The following TENM4 variants were observed in gnomAD, a reference collection of about 807,000 sequenced individuals.
TENM4 encodes the protein teneurin transmembrane protein 4.
TENM4 carries 82 observed loss-of-function variants against 243.3 expected under a neutral mutation model. That is an observed-to-expected ratio of 0.34 (90% CI 0.28 to 0.40). The LOEUF is 0.40. Among genes scored for constraint, TENM4 ranks in the 10% least tolerant of loss-of-function variants. The pLI is 1.00. For missense variants in TENM4, 3,138 were observed against 3,673.3 expected, an observed-to-expected ratio of 0.85 and a Z score of 3.77; for synonymous variants, 1,412 against 1,456.3, an observed-to-expected ratio of 0.97 and a Z score of 0.69.
At chr11:79,425,235 T>C (rs1369891353) in intron 1 of TENM4, among the ~76,000 whole-genome samples, 2 of 152,190 alleles carry the variant, frequency 1.3e-5, no homozygotes, top group Non-Finnish European at 2.9e-5. Flanking sequence ...CCAGCCTTTC[T>C]GTAGCTGAAC....
At chr11:79,278,282 T>C (rs1050464009) in intron 2 of TENM4, among the ~76,000 whole-genome samples, 18 of 152,226 alleles carry the variant, frequency 1.2e-4, no homozygotes, top group African/African-American at 4.3e-4. Flanking sequence ...TCAATGAATA[T>C]AGCTGATTGA....
chr11:79,157,448 C>A (rs1050925960), intron 3 of TENM4, among the ~76,000 whole-genome samples: 1 of 152,114 alleles, frequency 6.6e-6, no homozygotes, highest in African/African-American at 2.4e-5. Context: ...ATGCACTCAG[C>A]GAATGTGTGC....
chr11:78,864,810 C>T (rs576028092), intron 9 of TENM4, among the ~76,000 whole-genome samples: 2 of 152,270 alleles, frequency 1.3e-5, no homozygotes, highest in Admixed American at 1.3e-4. Context: ...CACTCCATGG[C>T]AGATTCTGGA....
intron 6 of TENM4, among the ~76,000 whole-genome samples, chr11:79,045,223 T>C (rs1349836635): frequency 6.6e-6 from 1 of 152,114 alleles, no homozygotes; most frequent in South Asian, 2.1e-4. Context: ...TTCCTGAGTG[T>C]CCACTGCGTG....
At chr11:78,932,685 T>A (rs1856695075) in intron 6 of TENM4, among the ~76,000 whole-genome samples, 1 of 152,154 alleles carries the variant, frequency 6.6e-6, no homozygotes, top group Non-Finnish European at 1.5e-5. Context: ...TGGAAGACAA[T>A]TTTTCCATGG....
At chr11:79,244,349 T>C (rs967583198) in intron 2 of TENM4, among the ~76,000 whole-genome samples, 2 of 152,146 alleles carry the variant, frequency 1.3e-5, no homozygotes, top group African/African-American at 4.8e-5. Flanking sequence ...AGGGCCTTGT[T>C]CTTGAGAGGG....
chr11:79,239,887 T>A (rs1160263646), intron 2 of TENM4, among the ~76,000 whole-genome samples: 1 of 152,100 alleles, frequency 6.6e-6, no homozygotes, highest in African/African-American at 2.4e-5. Context: ...TTTGGGTAAG[T>A]CACTTCAGAA....
At chr11:79,201,577 AG>A (rs1863738231) in intron 3 of TENM4, among the ~76,000 whole-genome samples, 1 of 152,210 alleles carries the variant, frequency 6.6e-6, no homozygotes, top group African/African-American at 2.4e-5. Flanking sequence ...ACCATAAGTC[AG>A]AAGCTCTGTT....
intron 6 of TENM4, among the ~76,000 whole-genome samples, chr11:78,975,276 G>T (rs75777164): frequency 6.6e-6 from 1 of 151,968 alleles, no homozygotes; most frequent in African/African-American, 2.4e-5. Flanking sequence ...TTGCCCACGC[G>T]CTGCCTCCAG....
intron 6 of TENM4, among the ~76,000 whole-genome samples, chr11:78,929,515 C>T (rs990604270): frequency 6.6e-6 from 1 of 152,276 alleles, no homozygotes; most frequent in African/African-American, 2.4e-5. Context: ...AATCCTCCTA[C>T]AATGGGGCTG....
intron 3 of TENM4, among the ~76,000 whole-genome samples, chr11:79,198,533 G>C (rs961594022): frequency 1.3e-5 from 2 of 152,196 alleles, no homozygotes; most frequent in Admixed American, 1.3e-4. Context: ...TCTAAAATGA[G>C]AGAGAAGAAG....
intron 6 of TENM4, among the ~76,000 whole-genome samples, chr11:78,964,036 C>T (rs970083060): frequency 1.1e-4 from 12 of 109,396 alleles, no homozygotes; most frequent in African/African-American, 3.7e-4. Context: ...CACACCCAGA[C>T]TTTTTTTTTT....
At chr11:78,893,715 T>A (rs907155845) in intron 7 of TENM4, among the ~76,000 whole-genome samples, 1 of 151,366 alleles carries the variant, frequency 6.6e-6, no homozygotes, top group East Asian at 1.9e-4. Flanking sequence ...CTAACTAAAA[T>A]AGCTCCCAGC....
chr11:79,086,202 C>G (rs1489267614), intron 4 of TENM4, among the ~76,000 whole-genome samples: 2 of 152,206 alleles, frequency 1.3e-5, no homozygotes, highest in Non-Finnish European at 2.9e-5. Flanking sequence ...AACACTTGAG[C>G]CTTTGGGATT....
Position 79,074,009 on chromosome 11 carries a change from C to G in TENM4, c.-65-4000G>C, listed in dbSNP as rs111623514. On this transcript the variant is annotated intron_variant, in intron 4 of 33. Coordinates refer to ENST00000278550, the MANE Select transcript of TENM4 (RefSeq NM_001098816.3). The stretch of plus-strand genomic sequence containing the variant: ...ACTATTTCCTCTTATCAGTGTGTGC[C>G]TGTTGACTGAAGACATTGGCATCAA... 3.0e-3 allele frequency among the ~76,000 whole-genome samples: 450 copies of G among 152,170 alleles called. 4 individuals are homozygous for G. The highest frequency in any genetic ancestry group is 0.01 in the Middle Eastern group (3 of 294).
rs778995940 is a variant in TENM4, at chr11:78,712,640, C to G, written c.3896G>C (p.Ser1299Thr). 7 of 1,613,882 alleles carry G rather than the reference C, an allele frequency of 4.3e-6. No homozygotes were observed. In the South Asian group the frequency reaches 4.4e-5, roughly 10 times the overall value. ...GGACTTGATTTTAAAGACCCGCCGG[C>G]TGTTGCTGTCAGAAAGGAAGACGGC... ...SGAVFLSDSN[S>T]RRVFKIKSTV... The change falls in exon 26 of 34, where the codon AGC (serine) becomes ACC (threonine). Residue 1299 changes from serine to threonine, a missense_variant. By Grantham distance (58) the Ser-to-Thr change is moderately conservative. Around this residue, in one of 2 missense-constraint regions of TENM4, gnomAD observed 2,467 missense variants for 3,059.1 expected, o/e 0.81. Coordinates refer to ENST00000278550, the MANE Select transcript of TENM4 (RefSeq NM_001098816.3).
intron 3 of TENM4, among the ~76,000 whole-genome samples, chr11:79,172,464 T>A (rs1387760109): frequency 2.0e-5 from 3 of 152,014 alleles, no homozygotes; most frequent in Non-Finnish European, 4.4e-5. Flanking sequence ...AAAACATAGG[T>A]CATTCTCAAT....
At chr11:78,709,817 C>T (rs773573057) in intron 26 of TENM4, among the ~76,000 whole-genome samples, 9 of 152,196 alleles carry the variant, frequency 5.9e-5, no homozygotes, top group African/African-American at 1.7e-4. Flanking sequence ...CCTGGAAATA[C>T]GAATTCAGCG....
intron 1 of TENM4, among the ~76,000 whole-genome samples, chr11:79,373,738 CA>C (rs1746611780): frequency 6.6e-6 from 1 of 151,916 alleles, no homozygotes; most frequent in African/African-American, 2.4e-5. Context: ...GTAGTTGATT[CA>C]AAAAATGAAA....
Sources: gnomAD v4.1 joint callset for allele counts (sites outside exome capture counted in the v4.1 genomes callset) on GRCh38, gnomAD v4.1.1 for gene constraint, gnomAD v4.1.1 regional missense constraint, MANE v1.5 for transcripts, NCBI Gene and HGNC (gene_info 2026-07-23, HGNC 2026-07-21) for gene names.